The following SOX5 variants were observed in gnomAD, a reference collection of about 807,000 sequenced individuals.
SOX5 encodes the protein transcription factor SOX-5.
A neutral mutation model predicts 92.0 loss-of-function variants in SOX5; 9 were observed. That is an observed-to-expected ratio of 0.10 (90% confidence interval 0.06 to 0.17). The LOEUF is 0.17. Among genes scored for constraint, SOX5 ranks in the 10% least tolerant of loss-of-function variants. The pLI, the probability that SOX5 is intolerant of heterozygous loss-of-function variation, is 1.00. For missense variants in SOX5, 642 were observed against 944.5 expected, an observed-to-expected ratio of 0.68 and a Z score of 4.20; for synonymous variants, 344 against 336.3, an observed-to-expected ratio of 1.02 and a Z score of -0.25.
intron 2 of SOX5, among the ~76,000 whole-genome samples, chr12:24,304,137 C>G (rs1948307314): frequency 6.6e-6 from 1 of 152,090 alleles, no homozygotes; most frequent in South Asian, 2.1e-4. Context: ...AAAGAAATAG[C>G]ATGTATCATC....
At chr12:24,486,303 G>A (rs1946522220) in intron 1 of SOX5, among the ~76,000 whole-genome samples, 1 of 152,212 alleles carries the variant, frequency 6.6e-6, no homozygotes, top group South Asian at 2.1e-4. Context: ...CAAGTAACCT[G>A]GTCCAGCCAC....
At chr12:24,396,218 G>A (rs1959918746) in intron 1 of SOX5, among the ~76,000 whole-genome samples, 1 of 152,126 alleles carries the variant, frequency 6.6e-6, no homozygotes, top group South Asian at 2.1e-4. Flanking sequence ...TGAGGGTAAG[G>A]CTTTCATTTG....
At chr12:24,341,316 A>G (rs1952550025) in intron 2 of SOX5, among the ~76,000 whole-genome samples, 1 of 152,128 alleles carries the variant, frequency 6.6e-6, no homozygotes, top group Non-Finnish European at 1.5e-5. Flanking sequence ...GTCTCTATAA[A>G]AACATTTTAA....
chr12:23,783,199 C>G (rs2095315980), intron 3 of SOX5, among the ~76,000 whole-genome samples: 1 of 152,146 alleles, frequency 6.6e-6, no homozygotes. Context: ...AGAGTAAGGA[C>G]ATTGTCTATC....
intron 9 of SOX5, among the ~76,000 whole-genome samples, chr12:23,580,012 T>C (rs540899999): frequency 6.6e-6 from 1 of 152,088 alleles, no homozygotes; most frequent in Non-Finnish European, 1.5e-5. Context: ...ATCTGCCTAG[T>C]AGCTCCAAAC....
chr12:23,615,978 T>C (rs1398340331), intron 8 of SOX5, among the ~76,000 whole-genome samples: 3 of 152,170 alleles, frequency 2.0e-5, no homozygotes, highest in Non-Finnish European at 4.4e-5. Flanking sequence ...GTAATACATA[T>C]AGATAGTTAC....
At chr12:24,552,153 T>C (rs929193750) in intron 1 of SOX5, among the ~76,000 whole-genome samples, 2 of 152,052 alleles carry the variant, frequency 1.3e-5, no homozygotes, top group Non-Finnish European at 2.9e-5. Context: ...TAATGTTTTA[T>C]ATACTCAAAT....
At chr12:24,200,375 A>G (rs976593739) in intron 4 of SOX5, among the ~76,000 whole-genome samples, 7 of 152,224 alleles carry the variant, frequency 4.6e-5, no homozygotes, top group African/African-American at 1.4e-4. Flanking sequence ...TAAGATCTTT[A>G]TAATACATCT....
chr12:24,542,776 A>G (rs948599068), intron 1 of SOX5, among the ~76,000 whole-genome samples: 6 of 152,244 alleles, frequency 3.9e-5, no homozygotes, highest in Non-Finnish European at 8.8e-5. Context: ...AAGAACCACT[A>G]TATTAGTTGT....
At chr12:24,171,924 A>T (rs1175450993) in intron 4 of SOX5, among the ~76,000 whole-genome samples, 1 of 152,072 alleles carries the variant, frequency 6.6e-6, no homozygotes, top group Non-Finnish European at 1.5e-5. Flanking sequence ...ATTTAAGTTG[A>T]GTCTTGAAGT....
At chr12:23,732,235 A>T (rs1391679444) in intron 6 of SOX5, among the ~76,000 whole-genome samples, 1 of 152,176 alleles carries the variant, frequency 6.6e-6, no homozygotes, top group Non-Finnish European at 1.5e-5. Context: ...AAAATGAAAT[A>T]TGGCAAAGAT....
chr12:24,253,938 T>C (rs1027340506), intron 3 of SOX5, among the ~76,000 whole-genome samples: 2 of 152,176 alleles, frequency 1.3e-5, no homozygotes, highest in Non-Finnish European at 2.9e-5. Context: ...AATTTCCTCA[T>C]CTATAAAAAT....
At chr12:24,304,806 C>T (rs562476279) in intron 2 of SOX5, among the ~76,000 whole-genome samples, 6 of 152,084 alleles carry the variant, frequency 3.9e-5, no homozygotes, top group Non-Finnish European at 8.8e-5. Flanking sequence ...ATTCCGTGCC[C>T]CAAGAAAGAG....
At chr12:23,556,861 TAC>T (rs1335692381) in intron 11 of SOX5, among the ~76,000 whole-genome samples, 1 of 152,182 alleles carries the variant, frequency 6.6e-6, no homozygotes, top group African/African-American at 2.4e-5. Context: ...CTGAACTACA[TAC>T]ACTGTGTCAG....
intron 11 of SOX5, among the ~76,000 whole-genome samples, chr12:23,560,456 TTA>T (rs1946013757): frequency 6.6e-6 from 1 of 152,176 alleles, no homozygotes. Context: ...GATATGTGGT[TTA>T]TATGAGAGAA....
chr12:23,884,218 C>T (rs1317802356), intron 2 of SOX5, among the ~76,000 whole-genome samples: 1 of 152,152 alleles, frequency 6.6e-6, no homozygotes, highest in Admixed American at 6.5e-5. Flanking sequence ...TGCCATTTTA[C>T]AGATGGCAAA....
At chr12:24,087,741 C>G (rs986676799) in intron 4 of SOX5, among the ~76,000 whole-genome samples, 2 of 151,326 alleles carry the variant, frequency 1.3e-5, no homozygotes, top group Admixed American at 6.6e-5. Context: ...GTAGAATATG[C>G]CTCTTTTCTA....
At chr12:23,575,634 A>G in intron 10 of SOX5, 27 bp downstream of exon 10, 1 of 1,610,704 alleles carries the variant, frequency 6.2e-7, no homozygotes, top group Non-Finnish European at 8.5e-7. Context: ...ACAGAAAATC[A>G]GCAAGAACAA....
At chr12:24,262,440 GACAA>G (rs1326488379) in intron 3 of SOX5, among the ~76,000 whole-genome samples, 4 of 152,062 alleles carry the variant, frequency 2.6e-5, no homozygotes, top group Non-Finnish European at 5.9e-5. Flanking sequence ...TGTCACCATT[GACAA>G]ACAATGATTT....
Sources: gnomAD v4.1 joint callset for allele counts (sites outside exome capture counted in the v4.1 genomes callset) on GRCh38, gnomAD v4.1.1 for gene constraint, MANE v1.5 for transcripts, NCBI Gene and HGNC (gene_info 2026-07-23, HGNC 2026-07-21) for gene names.